Variants in CFAP96 observed in about 807,000 individuals in gnomAD.
CFAP96 encodes the protein cilia and flagella associated protein 96.
chr4:185,449,825 A>T, the CFAP96 span: 1 of 440,022 alleles, frequency 2.3e-6, no homozygotes, highest in Non-Finnish European at 4.1e-6. Context: ...ATTTGCTAAT[A>T]ACACGTGGTT....
At chr4:185,430,294 A>G in the CFAP96 span, among the ~76,000 whole-genome samples, 2 of 152,244 alleles carry the variant, frequency 1.3e-5, no homozygotes, top group Non-Finnish European at 2.9e-5. Context: ...TTACTTCTAC[A>G]TAATAATACA....
chr4:185,432,396 A>G, the CFAP96 span, among the ~76,000 whole-genome samples: 1 of 152,208 alleles, frequency 6.6e-6, no homozygotes, highest in Non-Finnish European at 1.5e-5. Context: ...TCTCATTATC[A>G]TATTAAATTT....
At chr4:185,445,123 G>A in the CFAP96 span, 5 of 1,551,210 alleles carry the variant, frequency 3.2e-6, no homozygotes, top group Admixed American at 5.9e-5. Flanking sequence ...GACTTTGAAT[G>A]TCAGAAGGTG....
the CFAP96 span, chr4:185,413,783 A>G: frequency 1.2e-6 from 2 of 1,613,550 alleles, no homozygotes; most frequent in East Asian, 2.2e-5. Context: ...TAATGTAACC[A>G]TCTTTGTATG....
the CFAP96 span, among the ~76,000 whole-genome samples, chr4:185,412,025 C>T: frequency 6.6e-6 from 1 of 152,200 alleles, no homozygotes; most frequent in African/African-American, 2.4e-5. Flanking sequence ...GGAACTGTGT[C>T]GAGGAGGCAG....
the CFAP96 span, among the ~76,000 whole-genome samples, chr4:185,443,342 A>ATTTTTTTTTTTTTT: frequency 7.5e-5 from 2 of 26,730 alleles, no homozygotes; most frequent in African/African-American, 1.2e-4. Flanking sequence ...ATATATATAT[A>ATTTTTTTTTTTTTT]TTTTTTTTTT....
At chr4:185,429,415 C>T in the CFAP96 span, 7 of 1,529,586 alleles carry the variant, frequency 4.6e-6, no homozygotes, top group East Asian at 7.6e-5. Flanking sequence ...CGCCACCATG[C>T]CTGCGGAAGG....
chr4:185,422,607 A>C, the CFAP96 span: 1 of 1,289,370 alleles, frequency 7.8e-7, no homozygotes. Context: ...GTAAAACAAA[A>C]CAAACTCATA....
At chr4:185,440,622 A>G in the CFAP96 span, 1 of 1,534,176 alleles carries the variant, frequency 6.5e-7, no homozygotes, top group Non-Finnish European at 8.8e-7. Context: ...TTTGACGCTA[A>G]TCCTTATTTT....
At chr4:185,425,235 G>C in the CFAP96 span, among the ~76,000 whole-genome samples, 1 of 152,154 alleles carries the variant, frequency 6.6e-6, no homozygotes, top group Non-Finnish European at 1.5e-5. Context: ...CATCTACAGA[G>C]TTGGGGGTTC....
chr4:185,424,742 A>C, the CFAP96 span, among the ~76,000 whole-genome samples: 2 of 152,244 alleles, frequency 1.3e-5, no homozygotes, highest in South Asian at 2.1e-4. Context: ...GTTAGACAGG[A>C]AAGAACAAAT....
chr4:185,422,592 C>G, the CFAP96 span: 1 of 1,491,632 alleles, frequency 6.7e-7, no homozygotes. Context: ...AAGACAAACT[C>G]CCTTGTAAAA....
the CFAP96 span, chr4:185,449,614 C>T: frequency 1.4e-4 from 211 of 1,543,360 alleles, no homozygotes; most frequent in Middle Eastern, 3.0e-3. Flanking sequence ...ATTCAAAGAA[C>T]TACAAGACTT....
the CFAP96 span, chr4:185,435,931 TA>T: frequency 2.6e-6 from 2 of 766,224 alleles, no homozygotes; most frequent in Non-Finnish European, 3.9e-6. Flanking sequence ...GAAATTAGAT[TA>T]AAACTAGCAT....
chr4:185,420,846 T>C, the CFAP96 span, among the ~76,000 whole-genome samples: 12,927 of 152,250 alleles, frequency 0.085, 967 homozygotes, highest in African/African-American at 0.19. Flanking sequence ...AGAAGACAAG[T>C]TCAAATATAT....
At chr4:185,425,875 G>A in the CFAP96 span, 35 of 1,602,634 alleles carry the variant, frequency 2.2e-5, no homozygotes, top group African/African-American at 1.9e-4. Context: ...CCATGTCCGC[G>A]ACGTGGCGGT....
chr4:185,443,342 A>ATATATATATATATATTT, the CFAP96 span, among the ~76,000 whole-genome samples: 12 of 26,722 alleles, frequency 4.5e-4, no homozygotes, highest in South Asian at 2.1e-3. Context: ...ATATATATAT[A>ATATATATATATATATTT]TTTTTTTTTT....
the CFAP96 span, among the ~76,000 whole-genome samples, chr4:185,443,342 A>ATTTT: frequency 2.2e-3 from 60 of 26,718 alleles, 1 homozygote; most frequent in African/African-American, 5.0e-3. Flanking sequence ...ATATATATAT[A>ATTTT]TTTTTTTTTT....
chr4:185,410,939 C>A, the CFAP96 span, among the ~76,000 whole-genome samples: 1 of 96,860 alleles, frequency 1.0e-5, no homozygotes. Context: ...GAGCAAGACT[C>A]CATCTCAAAA....
Sources: gnomAD v4.1 joint callset for allele counts (sites outside exome capture counted in the v4.1 genomes callset) on GRCh38, gnomAD v4.1.1 for gene constraint, MANE v1.5 for transcripts, NCBI Gene and HGNC (gene_info 2026-07-23, HGNC 2026-07-21) for gene names.